Variants in AP3D1 observed in about 807,000 individuals in gnomAD.
The protein encoded by AP3D1 is adaptor related protein complex 3 subunit delta 1.
AP3D1 carries 51 observed loss-of-function variants against 147.6 expected under a neutral mutation model. The ratio of observed to expected loss-of-function variants is 0.35; its 90% CI spans 0.28 to 0.44. The LOEUF (loss-of-function observed/expected upper bound fraction) is 0.44. AP3D1 is among the 20% of genes least tolerant of loss of function. AP3D1 has a pLI of 1.00. For synonymous variants in AP3D1, 760 were observed against 663.0 expected, an observed-to-expected ratio of 1.15 and a Z score of -2.25; for missense variants, 1,421 against 1,624.2, an observed-to-expected ratio of 0.87 and a Z score of 2.15.
intron 4 of AP3D1, among the ~76,000 whole-genome samples, chr19:2,135,534 TCAAAA>T (rs745553858): frequency 1.2e-4 from 18 of 151,454 alleles, no homozygotes; most frequent in Non-Finnish European, 1.8e-4. Flanking sequence ...AGACTCAGTC[TCAAAA>T]CAAAACAAAA....
intron 22 of AP3D1, among the ~76,000 whole-genome samples, 161 bp from the exon 23 acceptor site, chr19:2,113,574 T>C (rs1040531812): frequency 1.3e-5 from 2 of 152,190 alleles, no homozygotes; most frequent in African/African-American, 4.8e-5. Context: ...CTGAAGGCGA[T>C]GTCCTCAGCC....
At chr19:2,110,057 T>TGGACACCC (rs1417238095) in intron 28 of AP3D1, 79 bp downstream of exon 28, 113 of 1,588,268 alleles carry the variant, frequency 7.1e-5, no homozygotes, top group Non-Finnish European at 9.7e-5. Flanking sequence ...TAGGGACACC[T>TGGACACCC]GGACACCCAC....
At position 2,114,320 on chromosome 19, in the gene AP3D1, G is replaced by C; in HGVS notation, c.2424-18C>G. The C allele has an allele frequency of 1.2e-6, 2 of 1,601,910 alleles. No individual in the cohort carries two copies. Among genetic ancestry groups the C allele is most frequent in the African/African-American group, 1.4e-5 (1 of 74,038 alleles). The stretch of plus-strand genomic sequence containing the variant: ...CTAAGGGCCTGGAGGAGGAATGACC[G>C]GGCCACACATCAGCACCACTGGCCA... On this transcript the variant is annotated intron_variant, in intron 21 of 31. Transcript: ENST00000643116.
At chr19:2,111,646 G>T (rs554350898) in intron 25 of AP3D1, 33 bp downstream of exon 25, 1 of 1,556,012 alleles carries the variant, frequency 6.4e-7, no homozygotes, top group South Asian at 1.2e-5. Flanking sequence ...CAGGAACCCC[G>T]GCGTGGGGCG....
At chr19:2,164,132 C>A in intron 1 of AP3D1, 1 of 1,002,030 alleles carries the variant, frequency 1.0e-6, no homozygotes, top group Non-Finnish European at 1.2e-6. Flanking sequence ...CCGGCGGCCC[C>A]GCCCCTCCCC....
chr19:2,107,770 ATG>A (rs1160394601), intron 31 of AP3D1, among the ~76,000 whole-genome samples: 1 of 151,430 alleles, frequency 6.6e-6, no homozygotes, highest in African/African-American at 2.4e-5. Context: ...GTGCAATAAA[ATG>A]GTTCTACCCA....
chr19:2,140,755 CTTTTTT>C (rs71176516), intron 1 of AP3D1, among the ~76,000 whole-genome samples: 5 of 107,214 alleles, frequency 4.7e-5, no homozygotes, highest in South Asian at 3.0e-4. Context: ...ACACAAACGT[CTTTTTT>C]TTTTTTTTTT....
intron 21 of AP3D1, 103 bp downstream of exon 21, chr19:2,114,645 C>CCCA: frequency 1.3e-6 from 1 of 782,390 alleles, no homozygotes; most frequent in Non-Finnish European, 2.1e-6. Context: ...CCACCCCAGC[C>CCCA]TGCCCACCCT....
Position 2,121,276 on chromosome 19 carries a change from C to T in AP3D1, c.1137G>A (p.Lys379=). 6.2e-7 allele frequency: 1 copy of T among 1,614,224 alleles called. No homozygotes were observed. The change falls in exon 13 of 32, where the codon AAG becomes AAA. Residue 379 remains lysine, a synonymous_variant. Coordinates refer to ENST00000643116, the MANE Select transcript of AP3D1 (RefSeq NM_001261826.3). ...SKKNLMEIVK[K]LMTHVDKAEG... ...CTGCCTTGTCTACGTGGGTCATCAG[C>T]TTCTTCACGATCTCCATCAGGTTCT...
chr19:2,104,666 G>A (rs2018060522), intron 31 of AP3D1, among the ~76,000 whole-genome samples: 1 of 113,466 alleles, frequency 8.8e-6, no homozygotes, highest in South Asian at 2.9e-4. Flanking sequence ...TCTGACACAA[G>A]TTTTTTTTTT....
rs1057129688 is a variant in AP3D1 at position 2,141,537 on chromosome 19, A to G, written c.97-2823T>C. Among the ~76,000 whole-genome samples the G allele has an allele frequency of 7.1e-3, 268 of 37,980 alleles. 1 individual carries two copies. Among genetic ancestry groups the G allele is most frequent in the African/African-American group, 0.026 (258 of 9,920 alleles). 24.9% of individuals were successfully genotyped at this position (37,980 alleles called of 152,430 possible). On this transcript the variant is annotated intron_variant, in intron 1 of 31. Coordinates refer to ENST00000643116, the MANE Select transcript of AP3D1 (RefSeq NM_001261826.3). ...CAACCTCCGCCTCTCGGTTCAAGTGATTCAAGTGATTCTCCTGCCTCAGCC... is the reference window on the plus strand; with the variant it reads ...CAACCTCCGCCTCTCGGTTCAAGTGGTTCAAGTGATTCTCCTGCCTCAGCC...
chr19:2,152,776 T>C (rs1157034737), upstream of AP3D1, among the ~76,000 whole-genome samples: 1 of 151,396 alleles, frequency 6.6e-6, no homozygotes, highest in East Asian at 2.0e-4. Context: ...CTTGGGAGGC[T>C]GAGGCAGAAG....
chr19:2,163,604 G>C (rs918299855), intron 1 of AP3D1, among the ~76,000 whole-genome samples: 5 of 151,962 alleles, frequency 3.3e-5, no homozygotes, highest in Non-Finnish European at 4.4e-5. Context: ...CGGATTTTTG[G>C]TTTTACTAAG....
chr19:2,142,577 T>G (rs1259107782), intron 1 of AP3D1, among the ~76,000 whole-genome samples: 1 of 152,152 alleles, frequency 6.6e-6, no homozygotes, highest in Non-Finnish European at 1.5e-5. Flanking sequence ...GCTGTCCAGT[T>G]CAAAGACCAA....
In AP3D1 at chr19:2,115,437, C is replaced by T. The variant is rs776242467; in HGVS notation, c.2150-19G>A. ...GGCAGCCCTGCGGGCCGGCAGCGGGCAGCCACTCAGCACTGCACCCCAGGG... is the reference window on the plus strand; with the variant it reads ...GGCAGCCCTGCGGGCCGGCAGCGGGTAGCCACTCAGCACTGCACCCCAGGG... On this transcript the variant is annotated intron_variant, in intron 19 of 31. Coordinates refer to ENST00000643116, the MANE Select transcript of AP3D1 (RefSeq NM_001261826.3). 1.4e-5 allele frequency: 22 copies of T among 1,608,274 alleles called. No individual in the cohort carries two copies. The Admixed American group carries it at 3.2e-4, about 23-fold the overall frequency.
Position 2,101,267 on chromosome 19 carries a change from T to C in AP3D1, c.*906A>G, listed in dbSNP as rs1156876484. The C allele has an allele frequency of 6.6e-6, 1 of 152,434 alleles. No homozygotes were observed. Among genetic ancestry groups the C allele is most frequent in the East Asian group, 1.9e-4 (1 of 5,178 alleles). 9.4% of individuals were successfully genotyped at this position (152,434 alleles called of 1,614,324 possible). On this transcript the variant is annotated 3_prime_UTR_variant, in exon 32 of 32. Coordinates refer to ENST00000643116, the MANE Select transcript of AP3D1 (RefSeq NM_001261826.3). Reference sequence around the variant, plus strand: ...CCGTGGGGAGTGAGCGGAGTCTCCTTGCCCTGCCTGGTGGGGGCTCTGCCT... The same window carrying C: ...CCGTGGGGAGTGAGCGGAGTCTCCTCGCCCTGCCTGGTGGGGGCTCTGCCT...
chr19:2,111,858 C>T, intron 24 of AP3D1, 30 bp from the exon 25 acceptor site: 7 of 1,611,728 alleles, frequency 4.3e-6, no homozygotes, highest in Non-Finnish European at 5.1e-6. Context: ...GGGTTCAGTG[C>T]CCAGGCTGCT....
chr19:2,125,157 A>G (rs76529092), intron 9 of AP3D1, among the ~76,000 whole-genome samples: 18,991 of 152,282 alleles, frequency 0.12, 1,305 homozygotes, highest in Non-Finnish European at 0.16. Flanking sequence ...TTTTAATACA[A>G]AAAATACAAA....
In AP3D1 at chr19:2,115,189, C is replaced by T. The variant is rs572452742; in HGVS notation, c.2349+30G>A. 60 of 1,599,112 alleles carry T rather than the reference C, an allele frequency of 3.8e-5. No individual in the cohort carries two copies. In the Admixed American group the frequency reaches 3.9e-4, roughly 10 times the overall value. On this transcript the variant is annotated intron_variant, in intron 20 of 31. Transcript: ENST00000643116. The stretch of plus-strand genomic sequence containing the variant: ...CACACACATGCGGAAAGATAGACAT[C>T]CTAGGACCGGGACCTCCAGCGAGGC...
Sources: allele counts gnomAD v4.1 joint callset (sites outside exome capture counted in the v4.1 genomes callset), GRCh38; gene constraint gnomAD v4.1.1; transcripts MANE v1.5; gene names NCBI Gene and HGNC (gene_info 2026-07-23, HGNC 2026-07-21).